Variants in PDIA5 observed in about 807,000 individuals in gnomAD.
PDIA5 encodes the protein protein disulfide-isomerase A5.
PDIA5 carries 58 observed loss-of-function variants against 77.6 expected under a neutral mutation model. The observed-to-expected ratio is 0.75, with a 90% confidence interval of 0.61 to 0.93. PDIA5 has a LOEUF of 0.93. PDIA5 is among the 40% of genes least tolerant of loss of function. The pLI, the probability that PDIA5 is intolerant of heterozygous loss-of-function variation, is 0.00. For synonymous variants in PDIA5, 250 were observed against 252.1 expected, an observed-to-expected ratio of 0.99 and a Z score of 0.08; for missense variants, 630 against 647.7, an observed-to-expected ratio of 0.97 and a Z score of 0.30.
intron 11 of PDIA5, among the ~76,000 whole-genome samples, chr3:123,143,139 C>T (rs373630964): frequency 3.6e-5 from 5 of 139,342 alleles, no homozygotes; most frequent in African/African-American, 1.4e-4. Context: ...GTAATCTCAG[C>T]ACTTTGGGAG....
Position 123,089,284 on chromosome 3 carries a change from C to T in PDIA5, c.159C>T (p.Tyr53=). The T allele has an allele frequency of 1.2e-6, 2 of 1,614,004 alleles. No individual in the cohort carries two copies. The highest frequency in any genetic ancestry group is 1.7e-6 in the Non-Finnish European group (2 of 1,179,888). Residue 53 remains tyrosine, a synonymous_variant, in exon 2 of 17, where the codon TAC becomes TAT. Transcript: ENST00000316218. ...LRTRNNVLVL[Y]SKSEVAAENH... is the part of the protein sequence containing the mutation. ...CCCGGAATAATGTACTGGTGCTTTA[C>T]TCCAAATCTGGTGAGTGTCCCTTCC...
chr3:123,113,478 A>C (rs1934916103), intron 7 of PDIA5, among the ~76,000 whole-genome samples: 1 of 152,256 alleles, frequency 6.6e-6, no homozygotes. Context: ...CACAAAGCTT[A>C]TTGGTGGTAG....
At chr3:123,067,251 C>G in intron 1 of PDIA5, 45 bp downstream of exon 1, 1 of 1,228,674 alleles carries the variant, frequency 8.1e-7, no homozygotes, top group Non-Finnish European at 1.0e-6. Context: ...GCACGTGTGT[C>G]CCGCGTGCCC....
intron 1 of PDIA5, among the ~76,000 whole-genome samples, chr3:123,085,400 A>G (rs58845693): frequency 0.061 from 9,250 of 152,158 alleles, 544 homozygotes; most frequent in African/African-American, 0.16. Flanking sequence ...GTTTTCAAGC[A>G]AAGTAAATTT....
intron 5 of PDIA5, among the ~76,000 whole-genome samples, chr3:123,105,090 G>C (rs1271935236): frequency 6.6e-6 from 1 of 152,168 alleles, no homozygotes; most frequent in Non-Finnish European, 1.5e-5. Context: ...GGTGGAGAAG[G>C]GGGAGGAGGG....
At chr3:123,107,590 A>G (rs1934766705) in intron 6 of PDIA5, among the ~76,000 whole-genome samples, 1 of 152,036 alleles carries the variant, frequency 6.6e-6, no homozygotes, top group African/African-American at 2.4e-5. Context: ...TGCCCACCTG[A>G]CCTGAATGTG....
chr3:123,161,679 T>C, intron 16 of PDIA5: 1 of 646,638 alleles, frequency 1.5e-6, no homozygotes, highest in Non-Finnish European at 2.7e-6. Context: ...CAGGCTGGAC[T>C]CCAGATGCCG....
In PDIA5 at chr3:123,111,076, TG is replaced by T. The variant is rs1159815351; in HGVS notation, c.541+73del. ...TTGTGGGTGGGAGGCAGGTGGGGGT[TG>T]CGGGCGGGGTCTGGGGGATTAGCCT... On this transcript the variant is annotated intron_variant, in intron 7 of 16. Transcript: ENST00000316218. 4.3e-6 allele frequency: 3 copies of T among 690,900 alleles called. No homozygotes were observed. In the African/African-American group the frequency reaches 5.5e-5, roughly 13 times the overall value. 42.8% of individuals were successfully genotyped at this position (690,900 alleles called of 1,614,324 possible). A position where few individuals can be genotyped will look rare whatever the true frequency, so the allele number is the denominator to read the frequency against.
chr3:123,090,777 C>A (rs1379012434), intron 2 of PDIA5, among the ~76,000 whole-genome samples: 1 of 152,160 alleles, frequency 6.6e-6, no homozygotes. Flanking sequence ...CCTAAGCTCT[C>A]TTTCCCTCAC....
rs28485348 is a variant in PDIA5, at chr3:123,133,992, T to G, written c.910+3376T>G. On this transcript the variant is annotated intron_variant, in intron 11 of 16. Transcript: ENST00000316218. ...GTTTTCTTTTCTTTTCTTTTCCTTT[T>G]CTTTTCTTTTCCTTTTCTTTTCTTT... 3.0e-5 allele frequency among the ~76,000 whole-genome samples: 4 copies of G among 135,042 alleles called. No individual in the cohort carries two copies. The South Asian group carries it at 9.6e-4, about 32-fold the overall frequency. The allele number at this position is 135,042 out of a possible 152,430, so 88.6% of individuals were successfully genotyped here.
intron 3 of PDIA5, among the ~76,000 whole-genome samples, chr3:123,099,450 C>A (rs928051937): frequency 6.6e-6 from 1 of 152,174 alleles, no homozygotes; most frequent in Non-Finnish European, 1.5e-5. Flanking sequence ...CAGGAAGCCT[C>A]CTCCCCACTC....
intron 14 of PDIA5, among the ~76,000 whole-genome samples, chr3:123,151,463 A>G (rs902065652): frequency 6.6e-6 from 1 of 152,188 alleles, no homozygotes; most frequent in African/African-American, 2.4e-5. Context: ...CAGTCCAGAG[A>G]GTGAGAGTGT....
At chr3:123,077,011 C>T (rs992226064) in intron 1 of PDIA5, among the ~76,000 whole-genome samples, 19 of 152,208 alleles carry the variant, frequency 1.2e-4, no homozygotes, top group Admixed American at 6.5e-4. Context: ...CACTGTGCTG[C>T]GTAGCCCCAA....
intron 15 of PDIA5, among the ~76,000 whole-genome samples, chr3:123,156,793 G>A (rs967909965): frequency 1.3e-5 from 2 of 148,274 alleles, no homozygotes; most frequent in African/African-American, 5.1e-5. Flanking sequence ...TCCAGCTGAG[G>A]CACCGAGGGG....
intron 1 of PDIA5, among the ~76,000 whole-genome samples, chr3:123,082,988 TG>T (rs1280938055): frequency 6.6e-6 from 1 of 151,944 alleles, no homozygotes; most frequent in Non-Finnish European, 1.5e-5. Context: ...CTAAGTGGGA[TG>T]GTGGTTTGTC....
intron 1 of PDIA5, among the ~76,000 whole-genome samples, chr3:123,073,504 G>T (rs1335990025): frequency 1.3e-5 from 2 of 152,162 alleles, no homozygotes; most frequent in Non-Finnish European, 2.9e-5. Flanking sequence ...TTCCCCCAAG[G>T]AGCTCCAGTT....
intron 6 of PDIA5, among the ~76,000 whole-genome samples, chr3:123,107,191 TTTTG>T (rs1411304085): frequency 3.9e-5 from 6 of 152,224 alleles, no homozygotes; most frequent in Admixed American, 3.3e-4. Context: ...GTTTTTTTGT[TTTTG>T]TTTTGTTTTT....
chr3:123,132,730 T>C (rs906804628), intron 11 of PDIA5, among the ~76,000 whole-genome samples: 6 of 152,212 alleles, frequency 3.9e-5, no homozygotes, highest in Non-Finnish European at 8.8e-5. Flanking sequence ...GGAATTGATG[T>C]TGAATCTAGA....
rs1370726619 is a variant in PDIA5 at position 123,067,141 on chromosome 3, C to G, written c.-24C>G. On this transcript the variant is annotated 5_prime_UTR_variant, in exon 1 of 17. Coordinates refer to ENST00000316218, the MANE Select transcript of PDIA5 (RefSeq NM_006810.4). The stretch of plus-strand genomic sequence containing the variant: ...GCGGGCGCCGGAGTGGAGAAAGGAG[C>G]CAGCGGTGGGCAGCGCTGCTGGGAT... 1 of 1,245,226 alleles carries G rather than the reference C, an allele frequency of 8.0e-7. No homozygotes were observed. The highest frequency in any genetic ancestry group is 1.0e-6 in the Non-Finnish European group (1 of 991,240). The allele number at this position is 1,245,226 out of a possible 1,614,324, so 77.1% of individuals were successfully genotyped here.
Sources: gnomAD v4.1 joint callset for allele counts (sites outside exome capture counted in the v4.1 genomes callset) on GRCh38, gnomAD v4.1.1 for gene constraint, MANE v1.5 for transcripts, NCBI Gene and HGNC (gene_info 2026-07-23, HGNC 2026-07-21) for gene names.